Variants in FAM13A observed in about 807,000 individuals in gnomAD.
FAM13A encodes protein FAM13A.
A neutral mutation model predicts 129.6 loss-of-function variants in FAM13A; 76 were observed. The ratio of observed to expected loss-of-function variants is 0.59; its 90% confidence interval spans 0.49 to 0.71. FAM13A has a LOEUF of 0.71. Among genes scored for constraint, FAM13A ranks in the 30% least tolerant of loss-of-function variants. The pLI, the probability that FAM13A is intolerant of heterozygous loss-of-function variation, is 0.00. For missense variants in FAM13A, 1,108 were observed against 1,249.3 expected, an observed-to-expected ratio of 0.89 and a Z score of 1.70; for synonymous variants, 443 against 449.9, an observed-to-expected ratio of 0.98 and a Z score of 0.20.
At chr4:88,757,041 A>G (rs1026890563) in intron 14 of FAM13A, among the ~76,000 whole-genome samples, 3 of 152,128 alleles carry the variant, frequency 2.0e-5, no homozygotes, top group Non-Finnish European at 4.4e-5. Flanking sequence ...TTTTTTTCCA[A>G]TAACTTTTTA....
At chr4:88,784,229 G>A (rs1411604808) in intron 10 of FAM13A, among the ~76,000 whole-genome samples, 3 of 152,010 alleles carry the variant, frequency 2.0e-5, no homozygotes, top group South Asian at 2.1e-4. Context: ...CTCTAATTTC[G>A]ATTACACTAT....
chr4:89,011,690 C>G (rs1365773608), intron 3 of FAM13A, among the ~76,000 whole-genome samples: 1 of 152,188 alleles, frequency 6.6e-6, no homozygotes, highest in Non-Finnish European at 1.5e-5. Flanking sequence ...TCAGATAACT[C>G]TGTCTTACCG....
chr4:88,764,712 T>A (rs923926816), intron 13 of FAM13A, among the ~76,000 whole-genome samples: 2 of 152,196 alleles, frequency 1.3e-5, no homozygotes, highest in East Asian at 3.9e-4. Flanking sequence ...TTATGTTATC[T>A]CATTTCACAT....
intron 4 of FAM13A, among the ~76,000 whole-genome samples, chr4:88,961,242 T>C (rs1208954275): frequency 2.7e-5 from 4 of 148,060 alleles, no homozygotes; most frequent in Non-Finnish European, 5.9e-5. Context: ...CATTTAAAAA[T>C]AGAATAAGTT....
chr4:89,017,217 A>T (rs1014367926), intron 3 of FAM13A, among the ~76,000 whole-genome samples: 1 of 152,218 alleles, frequency 6.6e-6, no homozygotes, highest in Non-Finnish European at 1.5e-5. Context: ...GAATGACTCA[A>T]ATCTAACCAG....
chr4:89,024,833 G>A (rs1767716997), intron 2 of FAM13A, among the ~76,000 whole-genome samples: 1 of 151,570 alleles, frequency 6.6e-6, no homozygotes, highest in Admixed American at 6.6e-5. Context: ...CAAAATACAG[G>A]TGCCAGGCCT....
intron 3 of FAM13A, among the ~76,000 whole-genome samples, chr4:89,003,194 A>G (rs1043705184): frequency 1.3e-4 from 20 of 152,140 alleles, no homozygotes; most frequent in African/African-American, 4.6e-4. Flanking sequence ...AGAAAATAAA[A>G]AGGGCCCCAA....
intron 1 of FAM13A, among the ~76,000 whole-genome samples, chr4:89,052,281 CTTTTA>C (rs1771703668): frequency 2.4e-4 from 24 of 100,332 alleles, no homozygotes; most frequent in African/African-American, 3.1e-4. Flanking sequence ...TTTCTTTTTT[CTTTTA>C]TTTTATTTTA....
chr4:88,968,422 T>C (rs758809644), intron 4 of FAM13A, among the ~76,000 whole-genome samples: 6 of 152,202 alleles, frequency 3.9e-5, no homozygotes, highest in Non-Finnish European at 8.8e-5. Context: ...CAAGGTAAAA[T>C]TGACTCTGAA....
chr4:88,740,609 A>G (rs1031837168), intron 19 of FAM13A, among the ~76,000 whole-genome samples: 1 of 152,220 alleles, frequency 6.6e-6, no homozygotes, highest in Admixed American at 6.5e-5. Flanking sequence ...TTTTAGAGGT[A>G]AGGAAGGCAA....
At chr4:88,814,308 G>A (rs1730248894) in intron 7 of FAM13A, among the ~76,000 whole-genome samples, 1 of 152,182 alleles carries the variant, frequency 6.6e-6, no homozygotes, top group South Asian at 2.1e-4. Flanking sequence ...AGTTAGATAA[G>A]CCACACAGGG....
chr4:88,807,161 C>A (rs1728720499), intron 7 of FAM13A, among the ~76,000 whole-genome samples: 1 of 152,126 alleles, frequency 6.6e-6, no homozygotes, highest in Non-Finnish European at 1.5e-5. Context: ...CTTTGATGTG[C>A]ATTCAATTAG....
intron 1 of FAM13A, among the ~76,000 whole-genome samples, chr4:89,043,436 G>A (rs940914681): frequency 6.6e-6 from 1 of 152,026 alleles, no homozygotes; most frequent in Non-Finnish European, 1.5e-5. Context: ...AGCAATAGAG[G>A]GGGGAATCTC....
At chr4:89,002,284 C>T (rs1764366318) in intron 3 of FAM13A, among the ~76,000 whole-genome samples, 1 of 151,996 alleles carries the variant, frequency 6.6e-6, no homozygotes, top group Non-Finnish European at 1.5e-5. Context: ...ACAAGCCTGT[C>T]AGGCTCGGCA....
chr4:88,886,345 T>C (rs538401283), intron 6 of FAM13A, among the ~76,000 whole-genome samples: 154 of 152,284 alleles, frequency 1.0e-3, no homozygotes, highest in African/African-American at 3.5e-3. Context: ...TCCCAGCACT[T>C]TGGGAGGCCG....
chr4:88,876,746 C>T (rs374999725), intron 6 of FAM13A, among the ~76,000 whole-genome samples: 15 of 152,128 alleles, frequency 9.9e-5, no homozygotes, highest in African/African-American at 2.4e-4. Context: ...TGCCTGCCAC[C>T]ACGCCCAGCT....
intron 7 of FAM13A, among the ~76,000 whole-genome samples, chr4:88,823,691 G>A (rs1257120000): frequency 6.6e-6 from 1 of 152,192 alleles, no homozygotes; most frequent in African/African-American, 2.4e-5. Context: ...GCCTTGAAAG[G>A]AGTGAGACTT....
At chr4:88,843,550 C>A (rs1404418178) in intron 7 of FAM13A, among the ~76,000 whole-genome samples, 2 of 152,138 alleles carry the variant, frequency 1.3e-5, no homozygotes, top group Non-Finnish European at 2.9e-5. Flanking sequence ...GTTATGACTG[C>A]ATTTTTGCTG....
chr4:89,044,528 A>T (rs1770585022), intron 1 of FAM13A, among the ~76,000 whole-genome samples: 1 of 152,236 alleles, frequency 6.6e-6, no homozygotes, highest in African/African-American at 2.4e-5. Context: ...ATGGTTCCTC[A>T]AAAAGTTAAA....
Sources: allele counts gnomAD v4.1 joint callset (sites outside exome capture counted in the v4.1 genomes callset), GRCh38; gene constraint gnomAD v4.1.1; transcripts MANE v1.5; gene names NCBI Gene and HGNC (gene_info 2026-07-23, HGNC 2026-07-21).